CDC7: variants seen among roughly 807,000 people sequenced by gnomAD.
CDC7 encodes the protein cell division cycle 7-related protein kinase.
CDC7 carries 34 observed loss-of-function variants against 53.5 expected under a neutral mutation model. The observed-to-expected ratio is 0.64, with a 90% confidence interval of 0.48 to 0.85. The LOEUF is 0.85. CDC7 is among the 40% of genes least tolerant of loss of function. The pLI is 0.00. For synonymous variants in CDC7, 211 were observed against 222.8 expected, an observed-to-expected ratio of 0.95 and a Z score of 0.47; for missense variants, 594 against 679.7, an observed-to-expected ratio of 0.87 and a Z score of 1.40.
chr1:91,515,905 G>T (rs1216050582), intron 10 of CDC7, 29 bp downstream of exon 10: 12 of 1,517,514 alleles, frequency 7.9e-6, no homozygotes, highest in African/African-American at 2.7e-5. Context: ...ACAGAACCTA[G>T]TTAAAATGGA....
chr1:91,520,295 T>A lies in CDC7; in HGVS notation c.1330+16T>A, dbSNP rs1285660044. On this transcript the variant is annotated intron_variant, in intron 11 of 11. Transcript: ENST00000234626. ...AAAACTTTTGGTAAGCAGTTTTGTA[T>A]TATAGAACCAAACAAAATGCCTTTG... The A allele has an allele frequency of 6.5e-7, 1 of 1,530,126 alleles. No individual in the cohort carries two copies. Among genetic ancestry groups the A allele is most frequent in the East Asian group, 2.4e-5 (1 of 42,170 alleles). The allele number at this position is 1,530,126 out of a possible 1,614,324, so 94.8% of individuals were successfully genotyped here. A position where few individuals can be genotyped will look rare whatever the true frequency, so the allele number is the denominator to read the frequency against.
At chr1:91,505,651 C>T (rs868488790) in intron 2 of CDC7, among the ~76,000 whole-genome samples, 15 of 152,302 alleles carry the variant, frequency 9.8e-5, no homozygotes, top group Middle Eastern at 3.4e-3. Flanking sequence ...TTTCATTTGT[C>T]TGTCTTTAGT....
chr1:91,514,266 G>C (rs1220930778), intron 8 of CDC7, among the ~76,000 whole-genome samples: 1 of 152,022 alleles, frequency 6.6e-6, no homozygotes, highest in Non-Finnish European at 1.5e-5. Flanking sequence ...AGCTATTACT[G>C]TCTTTCTCTA....
chr1:91,519,933 A>G lies in CDC7; in HGVS notation c.1181-197A>G, dbSNP rs13447537. Among the ~76,000 whole-genome samples the G allele has an allele frequency of 2.3e-3, 350 of 152,302 alleles. 14 individuals are homozygous for G. In the East Asian group the frequency reaches 0.061, roughly 27 times the overall value. On this transcript the variant is annotated intron_variant, in intron 10 of 11. Coordinates refer to ENST00000234626, the MANE Select transcript of CDC7 (RefSeq NM_003503.4). Reference sequence around the variant, plus strand: ...TCAGTCCTGGTTGTACATTAAAATCACCTGAGGAACTTTTTTAAAACATTG... The same window carrying G: ...TCAGTCCTGGTTGTACATTAAAATCGCCTGAGGAACTTTTTTAAAACATTG...
intron 10 of CDC7, among the ~76,000 whole-genome samples, chr1:91,519,107 C>T (rs963264491): frequency 6.6e-6 from 1 of 150,392 alleles, no homozygotes; most frequent in South Asian, 2.1e-4. Flanking sequence ...TTTGATAGCA[C>T]AGCAGGGGGA....
At position 91,501,547 on chromosome 1, in the gene CDC7, A is replaced by G. The variant is rs1571307632; in HGVS notation, c.-63-107A>G. On this transcript the variant is annotated intron_variant, in intron 1 of 11. Coordinates refer to ENST00000234626, the MANE Select transcript of CDC7 (RefSeq NM_003503.4). ...AGTATGCCCTACTGTGGAGGTTTGG[A>G]CACATCGTGCGTTTGAAAATGTTTG... 6.3e-6 allele frequency: 4 copies of G among 637,774 alleles called. No individual in the cohort carries two copies. The East Asian group carries it at 7.7e-5, about 12-fold the overall frequency. The allele number at this position is 637,774 out of a possible 1,614,324, so 39.5% of individuals were successfully genotyped here.
At chr1:91,523,788 G>T (rs1488221052) in intron 11 of CDC7, among the ~76,000 whole-genome samples, 1 of 152,120 alleles carries the variant, frequency 6.6e-6, no homozygotes, top group Non-Finnish European at 1.5e-5. Flanking sequence ...GTGAGTGCCT[G>T]GCATAGCTTA....
chr1:91,506,919 C>T (rs1310675163), intron 2 of CDC7, among the ~76,000 whole-genome samples: 3 of 152,072 alleles, frequency 2.0e-5, no homozygotes, highest in Non-Finnish European at 4.4e-5. Flanking sequence ...CACTGCACTC[C>T]AACCTGGGCA....
At chr1:91,520,418 C>A (rs1277210314) in intron 11 of CDC7, 139 bp downstream of exon 11, 1 of 635,722 alleles carries the variant, frequency 1.6e-6, no homozygotes, top group Non-Finnish European at 2.5e-6. Flanking sequence ...GTAGAAAATT[C>A]TTCAGTTGCT....
chr1:91,520,188 A>G lies in CDC7; in HGVS notation c.1239A>G (p.Pro413=). Residue 413 remains proline (P), a synonymous_variant, in exon 11 of 12, where the codon CCA becomes CCG. Transcript: ENST00000234626. ...IFLSLLSGRY[P]FYKASDDLTA... is the part of the protein sequence containing the mutation. The stretch of plus-strand genomic sequence containing the variant: ...TTTCTTTGCTTAGTGGACGATATCC[A>G]TTTTATAAAGCAAGTGATGATTTAA... 1 of 1,610,748 alleles carries G rather than the reference A, an allele frequency of 6.2e-7. No homozygotes were observed.
chr1:91,513,805 A>G (rs1667411447), intron 7 of CDC7, 143 bp from the exon 8 acceptor site: 1 of 570,254 alleles, frequency 1.8e-6, no homozygotes, highest in Non-Finnish European at 3.2e-6. Flanking sequence ...CTTTCACAGA[A>G]GTGGTTTGGT....
chr1:91,518,947 G>C (rs1247021997), intron 10 of CDC7, among the ~76,000 whole-genome samples: 1 of 151,676 alleles, frequency 6.6e-6, no homozygotes, highest in South Asian at 2.1e-4. Context: ...TGTGGTCCCA[G>C]CTACTCAGGA....
intron 7 of CDC7, 31 bp downstream of exon 7, chr1:91,513,338 C>T (rs1269774117): frequency 1.3e-6 from 2 of 1,591,072 alleles, no homozygotes; most frequent in Admixed American, 1.7e-5. Flanking sequence ...TAAGTACCGA[C>T]ACTGTTTTAG....
intron 10 of CDC7, among the ~76,000 whole-genome samples, chr1:91,518,410 C>G (rs1667717118): frequency 6.6e-6 from 1 of 152,120 alleles, no homozygotes; most frequent in African/African-American, 2.4e-5. Flanking sequence ...GAAAGGAAAT[C>G]AATGTACCGA....
At chr1:91,522,572 A>G (rs1027217598) in intron 11 of CDC7, among the ~76,000 whole-genome samples, 5 of 152,304 alleles carry the variant, frequency 3.3e-5, no homozygotes, top group African/African-American at 1.2e-4. Flanking sequence ...TTTTGGTCAT[A>G]TAAAAAAAAG....
chr1:91,516,159 G>T (rs781216327), intron 10 of CDC7, among the ~76,000 whole-genome samples: 10 of 150,666 alleles, frequency 6.6e-5, no homozygotes, highest in African/African-American at 2.4e-4. Flanking sequence ...AAATAAATAC[G>T]CAAAATGTAA....
chr1:91,519,080 T>C (rs1194044970), intron 10 of CDC7, among the ~76,000 whole-genome samples: 1 of 140,202 alleles, frequency 7.1e-6, no homozygotes, highest in Admixed American at 7.2e-5. Flanking sequence ...AAAAAAAGAA[T>C]GAATTAAGAC....
chr1:91,518,924 G>C lies in CDC7; in HGVS notation c.1181-1206G>C, dbSNP rs540967554. On this transcript the variant is annotated intron_variant, in intron 10 of 11. Coordinates refer to ENST00000234626, the MANE Select transcript of CDC7 (RefSeq NM_003503.4). ...AAAATACAAAAAAGTAGCTGGATGT[G>C]GTAGTGTGCATCTGTGGTCCCAGCT... Among the ~76,000 whole-genome samples, 173 of 152,050 alleles carry C rather than the reference G, an allele frequency of 1.1e-3. 3 individuals carry two copies. The highest frequency in any genetic ancestry group is 3.7e-3 in the African/African-American group (153 of 41,498).
chr1:91,503,023 CTG>C (rs1666784456), intron 2 of CDC7, among the ~76,000 whole-genome samples: 1 of 152,036 alleles, frequency 6.6e-6, no homozygotes, highest in South Asian at 2.1e-4. Flanking sequence ...GCTTAGGACT[CTG>C]CATTTTGTCT....
Sources: allele counts gnomAD v4.1 joint callset (sites outside exome capture counted in the v4.1 genomes callset), GRCh38; gene constraint gnomAD v4.1.1; transcripts MANE v1.5; gene names NCBI Gene and HGNC (gene_info 2026-07-23, HGNC 2026-07-21).